Variants in MSRB3 observed in about 807,000 individuals in gnomAD.
The protein encoded by MSRB3 is methionine sulfoxide reductase B3, also known as methionine-R-sulfoxide reductase B3.
MSRB3 carries 13 observed loss-of-function variants against 21.0 expected under a neutral mutation model. That is an observed-to-expected ratio of 0.62 (90% CI 0.40 to 0.98). MSRB3 has a LOEUF of 0.98. Ranked by LOEUF, MSRB3 falls within the 50% of genes least tolerant of loss-of-function variation. MSRB3 has a pLI of 0.00. For missense variants in MSRB3, 199 were observed against 230.3 expected (o/e 0.86, Z 0.88); for synonymous variants, 87 against 88.6 (o/e 0.98, Z 0.10).
At chr12:65,370,756 TA>T (rs561271681) in intron 5 of MSRB3, among the ~76,000 whole-genome samples, 76 of 152,204 alleles carry the variant, frequency 5.0e-4, no homozygotes, top group African/African-American at 1.8e-3. Flanking sequence ...AGTTCTTATT[TA>T]AAAAAAATCT....
intron 1 of MSRB3, among the ~76,000 whole-genome samples, chr12:65,304,596 A>C (rs976289758): frequency 6.6e-6 from 1 of 152,218 alleles, no homozygotes; most frequent in Non-Finnish European, 1.5e-5. Context: ...TCATTCATCC[A>C]TGTAGTTAAT....
intron 5 of MSRB3, among the ~76,000 whole-genome samples, chr12:65,428,862 G>A (rs999260731): frequency 1.3e-5 from 2 of 152,132 alleles, no homozygotes; most frequent in Non-Finnish European, 2.9e-5. Context: ...CCCTACATAT[G>A]GGGTGTCCTC....
chr12:65,412,928 A>G (rs1880791925), intron 5 of MSRB3, among the ~76,000 whole-genome samples: 1 of 152,160 alleles, frequency 6.6e-6, no homozygotes, highest in Non-Finnish European at 1.5e-5. Context: ...TTATAAAACC[A>G]TCAGATCTCT....
chr12:65,279,000 C>T, intron 1 of MSRB3, 135 bp downstream of exon 1: 1 of 1,473,602 alleles, frequency 6.8e-7, no homozygotes. Flanking sequence ...CGGGGACAGC[C>T]CCTGCCTCAG....
chr12:65,401,927 T>C (rs1565874830), intron 5 of MSRB3, among the ~76,000 whole-genome samples: 1 of 152,238 alleles, frequency 6.6e-6, no homozygotes, highest in Admixed American at 6.5e-5. Flanking sequence ...TTAAGAATGT[T>C]GAATATTGAC....
intron 4 of MSRB3, among the ~76,000 whole-genome samples, chr12:65,351,072 C>A (rs2136494668): frequency 6.6e-6 from 1 of 152,194 alleles, no homozygotes; most frequent in African/African-American, 2.4e-5. Context: ...GTAAAGCTCT[C>A]CTCAGCAAAT....
intron 5 of MSRB3, among the ~76,000 whole-genome samples, chr12:65,432,057 A>G (rs1435861944): frequency 1.3e-5 from 2 of 152,050 alleles, no homozygotes; most frequent in Non-Finnish European, 2.9e-5. Context: ...CTAGGTAGTT[A>G]TATATTATTT....
At chr12:65,291,908 A>C (rs556465245) in intron 1 of MSRB3, among the ~76,000 whole-genome samples, 1 of 152,276 alleles carries the variant, frequency 6.6e-6, no homozygotes, top group African/African-American at 2.4e-5. Context: ...TGCATTTTAA[A>C]ATAATAACTC....
At chr12:65,308,049 A>G (rs1873760241) in intron 1 of MSRB3, among the ~76,000 whole-genome samples, 1 of 152,210 alleles carries the variant, frequency 6.6e-6, no homozygotes, top group Admixed American at 6.5e-5. Flanking sequence ...CTTTGCAGTC[A>G]GTATAGCAGG....
At chr12:65,438,656 G>C (rs549692419) in intron 5 of MSRB3, among the ~76,000 whole-genome samples, 1 of 151,894 alleles carries the variant, frequency 6.6e-6, no homozygotes, top group Non-Finnish European at 1.5e-5. Flanking sequence ...GAGGAAGGCA[G>C]AGTGGAGGAA....
chr12:65,411,083 T>A (rs1880691014), intron 5 of MSRB3, among the ~76,000 whole-genome samples: 1 of 152,206 alleles, frequency 6.6e-6, no homozygotes, highest in Non-Finnish European at 1.5e-5. Context: ...GGTATACTTT[T>A]CAAATATGTA....
chr12:65,309,825 T>C (rs1873882202), intron 2 of MSRB3, among the ~76,000 whole-genome samples: 1 of 152,120 alleles, frequency 6.6e-6, no homozygotes, highest in African/African-American at 2.4e-5. Flanking sequence ...GAGCAAGGCA[T>C]GTTCAGAGAA....
intron 5 of MSRB3, among the ~76,000 whole-genome samples, chr12:65,452,410 T>C (rs1023917795): frequency 1.3e-5 from 2 of 152,228 alleles, no homozygotes; most frequent in African/African-American, 4.8e-5. Context: ...GTAACCATTG[T>C]AAACCAAATA....
At chr12:65,321,782 T>A (rs1227108078) in intron 2 of MSRB3, among the ~76,000 whole-genome samples, 1 of 152,192 alleles carries the variant, frequency 6.6e-6, no homozygotes, top group Non-Finnish European at 1.5e-5. Flanking sequence ...AAAAATTTGC[T>A]TAGTTTTCCA....
intron 4 of MSRB3, among the ~76,000 whole-genome samples, chr12:65,355,089 A>C (rs535038527): frequency 6.6e-6 from 1 of 151,980 alleles, no homozygotes; most frequent in East Asian, 1.9e-4. Context: ...GTTAAAGAAC[A>C]TGTAGGATAA....
At chr12:65,335,300 T>TATTA (rs1875692852) in intron 4 of MSRB3, among the ~76,000 whole-genome samples, 3 of 152,156 alleles carry the variant, frequency 2.0e-5, no homozygotes, top group African/African-American at 7.2e-5. Context: ...TTAGACAGGG[T>TATTA]CTGTCTGTTA....
chr12:65,287,060 C>T (rs1592488633), intron 1 of MSRB3, among the ~76,000 whole-genome samples: 2 of 145,788 alleles, frequency 1.4e-5, no homozygotes, highest in African/African-American at 2.5e-5. Flanking sequence ...AACCAAAAAC[C>T]GAAAAACAAC....
At chr12:65,299,119 CATT>C (rs1411285910) in intron 1 of MSRB3, among the ~76,000 whole-genome samples, 1 of 152,158 alleles carries the variant, frequency 6.6e-6, no homozygotes, top group Non-Finnish European at 1.5e-5. Context: ...GTTTTAAAAT[CATT>C]ATTCTAGTAG....
chr12:65,294,486 T>C (rs1034950337), intron 1 of MSRB3, among the ~76,000 whole-genome samples: 5 of 152,238 alleles, frequency 3.3e-5, no homozygotes. Context: ...TTTATACTTA[T>C]CATTTTGATG....
Sources: allele counts gnomAD v4.1 joint callset (sites outside exome capture counted in the v4.1 genomes callset), GRCh38; gene constraint gnomAD v4.1.1; transcripts MANE v1.5; gene names NCBI Gene and HGNC (gene_info 2026-07-23, HGNC 2026-07-21).